SYN2: variants seen among roughly 807,000 people sequenced by gnomAD.
SYN2 encodes synapsin II, also known as synapsin-2.
A neutral mutation model predicts 50.9 loss-of-function variants in SYN2; 19 were observed. The ratio of observed to expected loss-of-function variants is 0.37; its 90% CI spans 0.26 to 0.55. The LOEUF (loss-of-function observed/expected upper bound fraction) is 0.55. Among genes scored for constraint, SYN2 ranks in the 20% least tolerant of loss-of-function variants. The pLI, the probability that SYN2 is intolerant of heterozygous loss-of-function variation, is 0.81. For missense variants in SYN2, 587 were observed against 576.4 expected, an observed-to-expected ratio of 1.02 and a Z score of -0.19; for synonymous variants, 255 against 224.9, an observed-to-expected ratio of 1.13 and a Z score of -1.20.
Position 12,190,690 on chromosome 3 carries a change from G to A in SYN2, c.*65G>A, listed in dbSNP as rs1698429740. 1 of 1,582,636 alleles carries A rather than the reference G, an allele frequency of 6.3e-7. No individual in the cohort carries two copies. Among genetic ancestry groups the A allele is most frequent in the Non-Finnish European group, 8.6e-7 (1 of 1,165,420 alleles). On this transcript the variant is annotated 3_prime_UTR_variant, in exon 13 of 13. Transcript: ENST00000621198. Reference sequence around the variant, plus strand: ...GCATCTAAGACATTCACCAACAACAGTCAGCCAGCTTGGTGGTTATGTCCC... The same window carrying A: ...GCATCTAAGACATTCACCAACAACAATCAGCCAGCTTGGTGGTTATGTCCC...
At chr3:12,070,878 G>A in intron 1 of SYN2, 1 of 570,558 alleles carries the variant, frequency 1.8e-6, no homozygotes, top group South Asian at 1.4e-5. Context: ...ACATCAAGGA[G>A]AAGCCGTGCT....
intron 5 of SYN2, among the ~76,000 whole-genome samples, chr3:12,155,104 C>T (rs1166220757): frequency 3.1e-5 from 2 of 63,946 alleles, no homozygotes; most frequent in African/African-American, 9.2e-5. Context: ...CCTTTCAGTG[C>T]CACCTCAAAG....
At chr3:12,062,828 C>T (rs1695143016) in intron 1 of SYN2, among the ~76,000 whole-genome samples, 1 of 151,972 alleles carries the variant, frequency 6.6e-6, no homozygotes, top group African/African-American at 2.4e-5. Context: ...AAACTGGAAG[C>T]AACCAAGATG....
At chr3:12,129,517 A>G (rs747857260) in intron 1 of SYN2, among the ~76,000 whole-genome samples, 12 of 152,192 alleles carry the variant, frequency 7.9e-5, no homozygotes, top group African/African-American at 2.7e-4. Flanking sequence ...TGAAAATGCA[A>G]AATTTCGTGC....
chr3:12,101,002 G>A (rs1347793500), intron 1 of SYN2, among the ~76,000 whole-genome samples: 1 of 152,134 alleles, frequency 6.6e-6, no homozygotes, highest in African/African-American at 2.4e-5. Flanking sequence ...AAGAAGTGAA[G>A]AAATGGGAAT....
intron 1 of SYN2, among the ~76,000 whole-genome samples, chr3:12,093,575 G>C (rs1237913121): frequency 6.6e-6 from 1 of 152,116 alleles, no homozygotes; most frequent in Non-Finnish European, 1.5e-5. Flanking sequence ...TCTTGGTTCT[G>C]TTGGGAACTT....
intron 1 of SYN2, among the ~76,000 whole-genome samples, chr3:12,114,057 G>A (rs1394278980): frequency 1.3e-5 from 2 of 151,198 alleles, no homozygotes; most frequent in African/African-American, 4.9e-5. Flanking sequence ...AAGAGTGTAT[G>A]AAAGTTTCCA....
chr3:12,158,848 C>A, intron 5 of SYN2: 1 of 1,565,200 alleles, frequency 6.4e-7, no homozygotes, highest in Non-Finnish European at 8.6e-7. Context: ...CATGACACTG[C>A]AGATCCGCGA....
intron 1 of SYN2, among the ~76,000 whole-genome samples, chr3:12,133,159 CTCTA>C (rs770885920): frequency 2.4e-4 from 37 of 152,236 alleles, no homozygotes; most frequent in African/African-American, 6.8e-4. Flanking sequence ...GCAGCTTGCT[CTCTA>C]TCTAAGAAGT....
chr3:12,104,853 G>A (rs948162762), intron 1 of SYN2, among the ~76,000 whole-genome samples: 1 of 152,090 alleles, frequency 6.6e-6, no homozygotes, highest in Admixed American at 6.5e-5. Flanking sequence ...ACAGGCGTGA[G>A]CCACCGCACC....
At position 12,187,550 on chromosome 3, in the gene SYN2, G is replaced by A. The variant is rs1341314901; in HGVS notation, c.1551G>A (p.Leu517=). 6 of 1,552,136 alleles carry A rather than the reference G, an allele frequency of 3.9e-6. No homozygotes were observed. The Admixed American group carries it at 9.8e-5, about 25-fold the overall frequency. Residue 517 remains leucine, a synonymous_variant, in exon 12 of 13, where the codon CTG becomes CTA. Transcript: ENST00000621198. ...ATGCACCCTCCAGCAGCAGCTCCCT[G>A]GCAGAGGCCCAGCCACCCCTGGCTG... ...HGDAPSSSSS[L]AEAQPPLAAP...
In SYN2 at chr3:12,187,618, A is replaced by G; in HGVS notation, c.1613+6A>G. On this transcript the variant is annotated splice_donor_region_variant and intron_variant, in intron 12 of 12. Transcript: ENST00000621198. ...CAGCCTCACCCACAGCTCAAGTAAGAGACAACTCAGCAGCTCCTCCCTCCC... is the reference window on the plus strand; with the variant it reads ...CAGCCTCACCCACAGCTCAAGTAAGGGACAACTCAGCAGCTCCTCCCTCCC... 1 of 1,538,160 alleles carries G rather than the reference A, an allele frequency of 6.5e-7. No homozygotes were observed. The highest frequency in any genetic ancestry group is 8.8e-7 in the Non-Finnish European group (1 of 1,136,178).
intron 1 of SYN2, among the ~76,000 whole-genome samples, chr3:12,136,926 AT>A (rs1302551462): frequency 1.3e-5 from 2 of 152,246 alleles, no homozygotes; most frequent in African/African-American, 4.8e-5. Context: ...ATGAATTTAG[AT>A]TTATGTGACA....
chr3:12,165,294 T>G (rs1177877929), intron 7 of SYN2: 2 of 152,206 alleles, frequency 1.3e-5, no homozygotes, highest in Non-Finnish European at 2.9e-5. Flanking sequence ...TTCCCGATTT[T>G]CAGTATTTAT....
intron 5 of SYN2, chr3:12,153,269 A>G: frequency 1.8e-6 from 1 of 566,420 alleles, no homozygotes; most frequent in South Asian, 2.0e-5. Flanking sequence ...CTAAGCCAGA[A>G]GAAACACTTG....
At chr3:12,070,556 G>T in intron 1 of SYN2, 1 of 1,120,392 alleles carries the variant, frequency 8.9e-7, no homozygotes, top group Non-Finnish European at 1.3e-6. Flanking sequence ...TGCTGACGGA[G>T]GCCCTTGTGA....
At position 12,044,205 on chromosome 3, in the gene SYN2, A is replaced by ACACACACC. The variant is rs1559397128; in HGVS notation, c.377+39284_377+39285insCCACACAC. The stretch of plus-strand genomic sequence containing the variant: ...CTCACACACACACACACACACACAC[A>ACACACACC]CACACACACACACACACAGGTGTGA... On this transcript the variant is annotated intron_variant, in intron 1 of 12. Transcript: ENST00000621198. Among the ~76,000 whole-genome samples the ACACACACC allele has an allele frequency of 1.8e-4, 25 of 135,214 alleles. 1 individual carries two copies. Among genetic ancestry groups the ACACACACC allele is most frequent in the East Asian group, 1.6e-3 (6 of 3,762 alleles). The allele number at this position is 135,214 out of a possible 152,430, so 88.7% of individuals were successfully genotyped here. A position where few individuals can be genotyped will look rare whatever the true frequency, so the allele number is the denominator to read the frequency against.
intron 1 of SYN2, among the ~76,000 whole-genome samples, chr3:12,049,616 A>G (rs949278144): frequency 2.0e-5 from 3 of 152,234 alleles, no homozygotes; most frequent in Non-Finnish European, 4.4e-5. Context: ...GGAGTTATAT[A>G]GGAAATGATA....
intron 1 of SYN2, among the ~76,000 whole-genome samples, chr3:12,068,242 T>C (rs1024517077): frequency 2.2e-5 from 3 of 138,014 alleles, no homozygotes; most frequent in African/African-American, 5.4e-5. Context: ...CTTGTACTTA[T>C]TGATAGTTTG....
Sources: allele counts gnomAD v4.1 joint callset (sites outside exome capture counted in the v4.1 genomes callset), GRCh38; gene constraint gnomAD v4.1.1; transcripts MANE v1.5; gene names NCBI Gene and HGNC (gene_info 2026-07-23, HGNC 2026-07-21).